Variants in RP1 observed in about 807,000 individuals in gnomAD.
RP1 encodes the protein oxygen-regulated protein 1.
Under a neutral mutation model 14.8 loss-of-function variants are expected in RP1, and 16 were observed. That is an observed-to-expected ratio of 1.08 (90% CI 0.73 to 1.65). The LOEUF (loss-of-function observed/expected upper bound fraction) is 1.65. Ranked by LOEUF, RP1 falls within the 40% of genes most tolerant of loss-of-function variation. The pLI is 0.00. For synonymous variants in RP1, 876 were observed against 883.6 expected, an observed-to-expected ratio of 0.99 and a Z score of 0.15; for missense variants, 2,631 against 2,535.0, an observed-to-expected ratio of 1.04 and a Z score of -0.81.
At chr8:54,701,471 T>A in intron 13 of RP1, 1 of 1,494,934 alleles carries the variant, frequency 6.7e-7, no homozygotes, top group Non-Finnish European at 8.8e-7. Flanking sequence ...AGGGTTTTTT[T>A]GTTTTTCCTT....
chr8:54,798,136 C>T (rs150422010), intron 24 of RP1, among the ~76,000 whole-genome samples: 4,353 of 152,162 alleles, frequency 0.029, 121 homozygotes, highest in African/African-American at 0.064. Context: ...GCCTCAGCCT[C>T]CTGAGTAGCT....
intron 24 of RP1, among the ~76,000 whole-genome samples, chr8:54,795,482 A>G (rs1310932924): frequency 6.6e-6 from 1 of 152,170 alleles, no homozygotes; most frequent in Non-Finnish European, 1.5e-5. Flanking sequence ...GAACAAAAAT[A>G]TTATTGGCTT....
chr8:54,768,524 A>T (rs1563370730), intron 22 of RP1, among the ~76,000 whole-genome samples: 1 of 152,210 alleles, frequency 6.6e-6, no homozygotes, highest in African/African-American at 2.4e-5. Flanking sequence ...AGATGGAAGG[A>T]TGGAAGGAAT....
intron 17 of RP1, among the ~76,000 whole-genome samples, chr8:54,731,933 A>G (rs1480736998): frequency 3.3e-5 from 5 of 152,128 alleles, no homozygotes; most frequent in Non-Finnish European, 5.9e-5. Flanking sequence ...ACCCTGTTTC[A>G]GACCGATCTT....
intron 12 of RP1, among the ~76,000 whole-genome samples, chr8:54,686,565 T>C (rs1221873577): frequency 1.3e-5 from 2 of 152,146 alleles, no homozygotes; most frequent in Admixed American, 6.6e-5. Context: ...TTCTTTGAAA[T>C]GGCACAGGGA....
chr8:54,775,789 C>T (rs552642497), intron 23 of RP1, among the ~76,000 whole-genome samples: 1 of 152,320 alleles, frequency 6.6e-6, no homozygotes, highest in African/African-American at 2.4e-5. Context: ...CTCATACAGA[C>T]CTGCATACTT....
At chr8:54,565,092 G>A (rs1252168878) in intron 1 of RP1, among the ~76,000 whole-genome samples, 2 of 152,168 alleles carry the variant, frequency 1.3e-5, no homozygotes, top group Non-Finnish European at 2.9e-5. Context: ...GAGAGAAGGT[G>A]TGAACAGACA....
intron 24 of RP1, among the ~76,000 whole-genome samples, chr8:54,801,716 C>T (rs1422443391): frequency 6.6e-6 from 1 of 152,148 alleles, no homozygotes; most frequent in Non-Finnish European, 1.5e-5. Context: ...TTCCCATATC[C>T]AGCCTTTAGC....
chr8:54,566,711 C>T (rs908494241), intron 1 of RP1, among the ~76,000 whole-genome samples: 10 of 152,130 alleles, frequency 6.6e-5, no homozygotes, highest in African/African-American at 2.4e-4. Context: ...ATGGTGGCTC[C>T]CAGCTGAGCT....
intron 24 of RP1, among the ~76,000 whole-genome samples, chr8:54,794,012 A>C (rs936827798): frequency 1.4e-4 from 22 of 151,960 alleles, no homozygotes; most frequent in African/African-American, 5.3e-4. Context: ...TTGCATTTTC[A>C]TACATCTCTA....
intron 15 of RP1, among the ~76,000 whole-genome samples, chr8:54,719,323 A>C (rs1808481409): frequency 6.6e-6 from 1 of 152,186 alleles, no homozygotes; most frequent in Admixed American, 6.6e-5. Flanking sequence ...AGAAGATAGA[A>C]ATTGCTTACT....
At chr8:54,834,718 C>T (rs1811617876) in intron 24 of RP1, among the ~76,000 whole-genome samples, 1 of 151,278 alleles carries the variant, frequency 6.6e-6, no homozygotes, top group Admixed American at 6.6e-5. Context: ...AAAATTTACC[C>T]TAATAATTTT....
chr8:54,703,493 G>A (rs1326307852), intron 14 of RP1, among the ~76,000 whole-genome samples: 1 of 152,094 alleles, frequency 6.6e-6, no homozygotes, highest in Non-Finnish European at 1.5e-5. Context: ...TGTCCTTCAG[G>A]CTTCATTTTT....
chr8:54,787,016 C>T (rs1308017929), intron 24 of RP1, among the ~76,000 whole-genome samples: 1 of 152,088 alleles, frequency 6.6e-6, no homozygotes, highest in East Asian at 1.9e-4. Context: ...GTAATATTCT[C>T]CTGACCCAGT....
intron 19 of RP1, among the ~76,000 whole-genome samples, chr8:54,751,867 C>T (rs975624790): frequency 6.6e-6 from 1 of 152,196 alleles, no homozygotes; most frequent in Non-Finnish European, 1.5e-5. Context: ...ACGGAACTCA[C>T]TTAGAGCCCT....
At chr8:54,585,270 G>A (rs916721501) in intron 1 of RP1, among the ~76,000 whole-genome samples, 1 of 152,148 alleles carries the variant, frequency 6.6e-6, no homozygotes, top group Admixed American at 6.5e-5. Flanking sequence ...TAGTTTGGCT[G>A]GATATGAAAT....
chr8:54,583,065 CCT>C (rs1804835413), intron 1 of RP1, among the ~76,000 whole-genome samples: 1 of 152,098 alleles, frequency 6.6e-6, no homozygotes, highest in African/African-American at 2.4e-5. Flanking sequence ...AGAGGGCATC[CCT>C]GTCTTGTGCC....
At position 54,626,139 on chromosome 8, in the gene RP1, A is replaced by T. The variant is rs1164358458; in HGVS notation, c.2257A>T (p.Ile753Phe). The T allele has an allele frequency of 6.2e-7, 1 of 1,612,800 alleles. No individual in the cohort carries two copies. Among genetic ancestry groups the T allele is most frequent in the African/African-American group, 1.3e-5 (1 of 74,862 alleles). ...TTCCAAAAGTAATCTCAATTCCACG[A>T]TTTCCAAGAATTTCCATAGAAATAA... ...FCSKSNLNST[I>F]SKNFHRNKLN... Residue 753 changes from isoleucine to phenylalanine, a missense_variant, in exon 4 of 4, where the codon ATT (isoleucine) becomes TTT (phenylalanine). By Grantham distance (21) the Ile-to-Phe change is conservative (BLOSUM62 0). Coordinates refer to ENST00000220676, the MANE Select transcript of RP1 (RefSeq NM_006269.2).
At chr8:54,719,450 T>A (rs1179592829) in intron 15 of RP1, among the ~76,000 whole-genome samples, 1 of 152,212 alleles carries the variant, frequency 6.6e-6, no homozygotes, top group Non-Finnish European at 1.5e-5. Flanking sequence ...TAGTTGCTAT[T>A]GGAAATTTTA....
Sources: allele counts gnomAD v4.1 joint callset (sites outside exome capture counted in the v4.1 genomes callset), GRCh38; gene constraint gnomAD v4.1.1; transcripts MANE v1.5; gene names NCBI Gene and HGNC (gene_info 2026-07-23, HGNC 2026-07-21).